The following UBE2V1 variants were observed in gnomAD, a reference collection of about 807,000 sequenced individuals.
The protein encoded by UBE2V1 is ubiquitin-conjugating enzyme E2 variant 1.
UBE2V1 carries 15 observed loss-of-function variants against 19.6 expected under a neutral mutation model. That is an observed-to-expected ratio of 0.77 (90% CI 0.51 to 1.18). UBE2V1 has a LOEUF of 1.18. UBE2V1 is among the 50% of genes most tolerant of loss of function. The pLI is 0.00. For missense variants in UBE2V1, 125 were observed against 184.8 expected, an observed-to-expected ratio of 0.68 and a Z score of 1.88; for synonymous variants, 60 against 60.7, an observed-to-expected ratio of 0.99 and a Z score of 0.05.
intron 1 of UBE2V1, among the ~76,000 whole-genome samples, chr20:50,101,716 GAT>G (rs1346316721): frequency 6.6e-6 from 1 of 151,912 alleles, no homozygotes; most frequent in East Asian, 1.9e-4. Flanking sequence ...CTCTCAGTGT[GAT>G]AGTTATCCAA....
intron 1 of UBE2V1, among the ~76,000 whole-genome samples, chr20:50,111,766 C>T (rs1283002568): frequency 1.3e-5 from 2 of 152,154 alleles, no homozygotes; most frequent in African/African-American, 2.4e-5. Context: ...AAGAATTCCC[C>T]TCACCCTATT....
intron 1 of UBE2V1, among the ~76,000 whole-genome samples, 189 bp downstream of exon 1, chr20:50,112,918 C>G (rs1360653709): frequency 6.6e-6 from 1 of 152,180 alleles, no homozygotes; most frequent in Non-Finnish European, 1.5e-5. Context: ...CCCCTCAGCC[C>G]CCCGCCCGTG....
chr20:50,092,117 T>C (rs948061197), intron 2 of UBE2V1, among the ~76,000 whole-genome samples: 2 of 151,148 alleles, frequency 1.3e-5, no homozygotes, highest in Non-Finnish European at 2.9e-5. Context: ...AGGTCAGGAG[T>C]CTGAGACCAG....
At chr20:50,084,814 C>CTT (rs768489912) in intron 2 of UBE2V1, 53 of 159,988 alleles carry the variant, frequency 3.3e-4, no homozygotes, top group East Asian at 6.3e-4. Context: ...TCCCTGCAGT[C>CTT]TTTTTTTTTT....
intron 1 of UBE2V1, among the ~76,000 whole-genome samples, chr20:50,100,972 A>G (rs952933648): frequency 2.0e-5 from 3 of 152,232 alleles, no homozygotes; most frequent in Non-Finnish European, 4.4e-5. Flanking sequence ...AGGGCAAAAT[A>G]TATTAGTAAT....
intron 2 of UBE2V1, among the ~76,000 whole-genome samples, chr20:50,092,412 G>T (rs1387466684): frequency 6.6e-6 from 1 of 152,146 alleles, no homozygotes; most frequent in Non-Finnish European, 1.5e-5. Context: ...GCTGGGAAGG[G>T]GAAGGGAGGA....
At chr20:50,106,854 A>C (rs550397334) in intron 1 of UBE2V1, among the ~76,000 whole-genome samples, 3 of 95,092 alleles carry the variant, frequency 3.2e-5, no homozygotes, top group East Asian at 2.9e-4. Context: ...AAACAACAAC[A>C]ACAACAACAA....
chr20:50,081,909 C>G lies in UBE2V1; in HGVS notation c.*859G>C, dbSNP rs1436338365. 4 of 261,558 alleles carry G rather than the reference C, an allele frequency of 1.5e-5. No homozygotes were observed. Among genetic ancestry groups the G allele is most frequent in the Non-Finnish European group, 2.2e-5 (3 of 138,870 alleles). The allele number at this position is 261,558 out of a possible 1,614,324, so 16.2% of individuals were successfully genotyped here. A position where few individuals can be genotyped will look rare whatever the true frequency, so the allele number is the denominator to read the frequency against. On this transcript the variant is annotated 3_prime_UTR_variant, in exon 4 of 4. Transcript: ENST00000371674. Reference sequence around the variant, plus strand: ...GAGGACCCAATATTCATTTCCCAGGCTGGTGGAGAGTGAGTGAGTATGGTT... The same window carrying G: ...GAGGACCCAATATTCATTTCCCAGGGTGGTGGAGAGTGAGTGAGTATGGTT...
intron 2 of UBE2V1, among the ~76,000 whole-genome samples, chr20:50,089,340 G>A (rs1204877879): frequency 3.3e-5 from 5 of 152,182 alleles, no homozygotes; most frequent in Non-Finnish European, 7.4e-5. Context: ...GGGATGTGAT[G>A]AGGCTGGTTT....
At chr20:50,106,840 CCAAAAACAA>C (rs368434099) in intron 1 of UBE2V1, among the ~76,000 whole-genome samples, 8 of 139,940 alleles carry the variant, frequency 5.7e-5, no homozygotes, top group African/African-American at 2.0e-4. Context: ...TGTTTCAAAA[CCAAAAACAA>C]CAACAACAAC....
intron 2 of UBE2V1, among the ~76,000 whole-genome samples, chr20:50,091,714 T>G (rs976524642): frequency 6.6e-6 from 1 of 152,080 alleles, no homozygotes; most frequent in African/African-American, 2.4e-5. Context: ...AAAAAAGAGA[T>G]CAGTCAATAT....
upstream of UBE2V1, chr20:50,113,249 C>A (rs2080899894): frequency 1.4e-5 from 10 of 734,976 alleles, no homozygotes; most frequent in South Asian, 5.3e-5. Context: ...GCCCCGGAGA[C>A]CTGCACGACC....
At chr20:50,113,191 C>T (rs1053238143), upstream of UBE2V1, 9 of 1,234,874 alleles carry the variant, frequency 7.3e-6, no homozygotes, top group African/African-American at 7.8e-5. Flanking sequence ...GTCCCCCGGC[C>T]CTGATGCGCA....
upstream of UBE2V1, chr20:50,113,174 C>T (rs761214): frequency 0.2 from 245,335 of 1,245,574 alleles, 26,614 homozygotes; most frequent in Admixed American, 0.31. Context: ...TCACCCCCCC[C>T]TTACCCGTCC....
At chr20:50,113,665 T>C (rs2080915410), upstream of UBE2V1, among the ~76,000 whole-genome samples, 1 of 152,148 alleles carries the variant, frequency 6.6e-6, no homozygotes, top group Non-Finnish European at 1.5e-5. Flanking sequence ...ATCTGGCTCC[T>C]AGGATTGATG....
intron 1 of UBE2V1, among the ~76,000 whole-genome samples, chr20:50,104,006 AGGCGTGGT>A (rs2080181058): frequency 6.7e-6 from 1 of 148,862 alleles, no homozygotes. Flanking sequence ...GTATCAGGCC[AGGCGTGGT>A]GGCTCATGCC....
intron 1 of UBE2V1, among the ~76,000 whole-genome samples, chr20:50,110,855 C>G (rs2080707081): frequency 6.6e-6 from 1 of 152,134 alleles, no homozygotes; most frequent in Non-Finnish European, 1.5e-5. Flanking sequence ...CACCACAGGG[C>G]CTTTGCACTA....
intron 2 of UBE2V1, among the ~76,000 whole-genome samples, chr20:50,092,814 A>G (rs2079322244): frequency 6.6e-6 from 1 of 152,218 alleles, no homozygotes; most frequent in African/African-American, 2.4e-5. Flanking sequence ...AAAACATTCA[A>G]AGAGTACAGA....
chr20:50,084,814 C>CT (rs768489912), intron 2 of UBE2V1: 2,988 of 159,862 alleles, frequency 0.019, 7 homozygotes, highest in South Asian at 0.029. Flanking sequence ...TCCCTGCAGT[C>CT]TTTTTTTTTT....
Sources: gnomAD v4.1 joint callset for allele counts (sites outside exome capture counted in the v4.1 genomes callset) on GRCh38, gnomAD v4.1.1 for gene constraint, MANE v1.5 for transcripts, NCBI Gene and HGNC (gene_info 2026-07-23, HGNC 2026-07-21) for gene names.